Variants in ESR1 observed in about 807,000 individuals in gnomAD.
ESR1 encodes estrogen receptor.
A neutral mutation model predicts 52.7 loss-of-function variants in ESR1; 12 were observed. The ratio of observed to expected loss-of-function variants is 0.23; its 90% CI spans 0.15 to 0.37. ESR1 has a LOEUF of 0.37. Among genes scored for constraint, ESR1 ranks in the 10% least tolerant of loss-of-function variants. The pLI, the probability that ESR1 is intolerant of heterozygous loss-of-function variation, is 1.00. For missense variants in ESR1, 584 were observed against 779.7 expected, an observed-to-expected ratio of 0.75 and a Z score of 2.99; for synonymous variants, 305 against 316.8, an observed-to-expected ratio of 0.96 and a Z score of 0.39.
At chr6:151,754,865 C>T (rs1006334145) in intron 2 of ESR1, among the ~76,000 whole-genome samples, 7 of 152,176 alleles carry the variant, frequency 4.6e-5, no homozygotes, top group Non-Finnish European at 8.8e-5. Flanking sequence ...CCAACTGCTA[C>T]GTGACATCTC....
At chr6:151,805,568 C>A, upstream of ESR1, 1 of 152,878 alleles carries the variant, frequency 6.5e-6, no homozygotes, top group Non-Finnish European at 1.5e-5. Flanking sequence ...CTCCCCACTG[C>A]CATTCATCCA....
intron 6 of ESR1, among the ~76,000 whole-genome samples, chr6:152,089,359 C>T (rs1006427966): frequency 2.9e-4 from 44 of 152,084 alleles, no homozygotes; most frequent in African/African-American, 7.2e-4. Flanking sequence ...TATTTACATC[C>T]GGTTGTATTG....
intron 4 of ESR1, among the ~76,000 whole-genome samples, chr6:151,974,522 A>G (rs1205450080): frequency 2.0e-5 from 3 of 152,112 alleles, no homozygotes; most frequent in Admixed American, 6.6e-5. Context: ...TACAATCAGA[A>G]ATCTGGGTTC....
At chr6:152,055,679 G>A (rs751769635) in intron 5 of ESR1, among the ~76,000 whole-genome samples, 9 of 151,858 alleles carry the variant, frequency 5.9e-5, no homozygotes, top group East Asian at 5.8e-4. Flanking sequence ...CGTCTTTCTC[G>A]CAACACCTTA....
chr6:152,046,294 GA>G (rs1326354816), intron 5 of ESR1, among the ~76,000 whole-genome samples: 3 of 152,218 alleles, frequency 2.0e-5, no homozygotes, highest in African/African-American at 7.2e-5. Context: ...TTTATTAATA[GA>G]GTAGGGTCAG....
At chr6:152,120,819 G>A (rs1447112362) in intron 6 of ESR1, among the ~76,000 whole-genome samples, 1 of 152,184 alleles carries the variant, frequency 6.6e-6, no homozygotes, top group African/African-American at 2.4e-5. Context: ...CAGACTACCT[G>A]CATTATGGAA....
chr6:151,789,031 A>G (rs1018465623), intron 2 of ESR1, among the ~76,000 whole-genome samples: 5 of 152,162 alleles, frequency 3.3e-5, no homozygotes, highest in Non-Finnish European at 5.9e-5. Context: ...GTGATGAAAT[A>G]ATCTGTACAA....
At chr6:151,765,375 AAAATG>A (rs1285912673) in intron 2 of ESR1, among the ~76,000 whole-genome samples, 1 of 152,256 alleles carries the variant, frequency 6.6e-6, no homozygotes, top group African/African-American at 2.4e-5. Context: ...GAAATTAATT[AAAATG>A]AAATGAAAAT....
rs530815196 is a variant in ESR1 at position 152,126,518 on chromosome 6, G to A, written c.*1170G>A. The A allele has an allele frequency of 3.9e-5, 6 of 152,208 alleles. No individual in the cohort carries two copies. The South Asian group carries it at 1.2e-3, about 32-fold the overall frequency. 9.4% of individuals were successfully genotyped at this position (152,208 alleles called of 1,614,324 possible). On this transcript the variant is annotated 3_prime_UTR_variant, in exon 7 of 7. Coordinates refer to the ESR1 transcript ENST00000427531. Reference sequence around the variant, plus strand: ...GCCAGTTTAGATTGTGTTTATATAGGAAAAATTAAATGTGTGAGCCTCCTT... The same window carrying A: ...GCCAGTTTAGATTGTGTTTATATAGAAAAAATTAAATGTGTGAGCCTCCTT...
At chr6:151,760,783 T>C (rs751545796) in intron 2 of ESR1, among the ~76,000 whole-genome samples, 4 of 152,234 alleles carry the variant, frequency 2.6e-5, no homozygotes, top group Admixed American at 1.3e-4. Context: ...ATGGAGGCTA[T>C]GTGTGAAGCT....
chr6:151,662,415 T>C (rs1777669389), intron 1 of ESR1, among the ~76,000 whole-genome samples: 2 of 152,146 alleles, frequency 1.3e-5, no homozygotes, highest in Non-Finnish European at 2.9e-5. Flanking sequence ...GGTACCATTA[T>C]TAAAGGGGGA....
At chr6:151,800,471 T>G (rs187873956), upstream of ESR1, among the ~76,000 whole-genome samples, 413 of 152,314 alleles carry the variant, frequency 2.7e-3, 1 homozygote, top group African/African-American at 9.4e-3. Flanking sequence ...ACACTCAATG[T>G]GACTGTATCT....
rs1040377368 is a variant in ESR1 at position 151,742,520 on chromosome 6, C to G, written c.-71+40515C>G. 7.9e-5 allele frequency among the ~76,000 whole-genome samples: 12 copies of G among 152,304 alleles called. No homozygotes were observed. In the South Asian group the frequency reaches 2.5e-3, roughly 32 times the overall value. ...AGCAGAGCAGTTACCAGCGCTAACT[C>G]TGGAACTGGCTTGCTCATGCTCATC... On this transcript the variant is annotated intron_variant, in intron 2 of 2. Coordinates refer to the ESR1 transcript ENST00000404742.
At chr6:152,088,445 A>G (rs1230783773) in intron 6 of ESR1, among the ~76,000 whole-genome samples, 2 of 152,178 alleles carry the variant, frequency 1.3e-5, no homozygotes, top group African/African-American at 4.8e-5. Context: ...CCCTTCCAAA[A>G]CTCATGTTGA....
At chr6:151,740,601 TC>T (rs1163998290) in intron 2 of ESR1, among the ~76,000 whole-genome samples, 1 of 152,106 alleles carries the variant, frequency 6.6e-6, no homozygotes, top group African/African-American at 2.4e-5. Flanking sequence ...CCTCTTACTT[TC>T]TTGGAGCTTC....
intron 3 of ESR1, among the ~76,000 whole-genome samples, chr6:151,901,247 C>G (rs1157520772): frequency 6.6e-6 from 1 of 152,160 alleles, no homozygotes; most frequent in Non-Finnish European, 1.5e-5. Context: ...TTACAGGCCT[C>G]ACCCAGCTCC....
intron 2 of ESR1, among the ~76,000 whole-genome samples, chr6:151,711,608 G>C (rs899824913): frequency 3.9e-5 from 6 of 152,174 alleles, no homozygotes; most frequent in African/African-American, 1.4e-4. Context: ...CTAATGACCA[G>C]TGATGATGAG....
At chr6:152,074,950 C>T (rs2747644) in intron 6 of ESR1, among the ~76,000 whole-genome samples, 8,184 of 152,252 alleles carry the variant, frequency 0.054, 314 homozygotes, top group Admixed American at 0.12. Context: ...GCGTTCTTAT[C>T]GTTGAGTTTT....
intron 6 of ESR1, among the ~76,000 whole-genome samples, chr6:152,124,448 C>T (rs983243215): frequency 2.0e-5 from 3 of 152,200 alleles, no homozygotes; most frequent in African/African-American, 7.2e-5. Context: ...ACACAAGTAA[C>T]GGCAGGGTAA....
Sources: gnomAD v4.1 joint callset for allele counts (sites outside exome capture counted in the v4.1 genomes callset) on GRCh38, gnomAD v4.1.1 for gene constraint, MANE v1.5 for transcripts, NCBI Gene and HGNC (gene_info 2026-07-23, HGNC 2026-07-21) for gene names.